The following NEDD4 variants were observed in gnomAD, a reference collection of about 807,000 sequenced individuals.
NEDD4 encodes the protein NEDD4 E3 ubiquitin protein ligase, also known as E3 ubiquitin-protein ligase NEDD4.
Under a neutral mutation model 144.9 loss-of-function variants are expected in NEDD4, and 99 were observed. The ratio of observed to expected loss-of-function variants is 0.68; its 90% CI spans 0.58 to 0.81. NEDD4 has a LOEUF of 0.81. Among genes scored for constraint, NEDD4 ranks in the 30% least tolerant of loss-of-function variants. NEDD4 has a pLI of 0.00. For missense variants in NEDD4, 985 were observed against 1,065.9 expected, an observed-to-expected ratio of 0.92 and a Z score of 1.06; for synonymous variants, 318 against 350.6, an observed-to-expected ratio of 0.91 and a Z score of 1.04.
intron 18 of NEDD4, among the ~76,000 whole-genome samples, chr15:55,845,613 T>C (rs1402800498): frequency 6.6e-6 from 1 of 152,000 alleles, no homozygotes; most frequent in African/African-American, 2.4e-5. Flanking sequence ...TACTACAACA[T>C]GTTTCAACCA....
intron 1 of NEDD4, chr15:55,988,135 T>G (rs1595891565): frequency 7.1e-6 from 1 of 141,248 alleles, no homozygotes; most frequent in Non-Finnish European, 1.5e-5. Context: ...CATGGAATAC[T>G]ATGCAGCCAT....
chr15:55,929,196 C>T (rs1048220105), intron 4 of NEDD4, among the ~76,000 whole-genome samples: 31 of 152,140 alleles, frequency 2.0e-4, no homozygotes, highest in Non-Finnish European at 3.7e-4. Context: ...TCTCAAATAC[C>T]ACCTTAGCCT....
At chr15:55,848,316 T>C in intron 17 of NEDD4, 56 bp downstream of exon 17, 1 of 1,551,290 alleles carries the variant, frequency 6.4e-7, no homozygotes, top group African/African-American at 1.4e-5. Flanking sequence ...CTATCTGCTC[T>C]TGAAGAGACA....
intron 5 of NEDD4, among the ~76,000 whole-genome samples, chr15:55,884,782 CAATG>C (rs1322872806): frequency 1.3e-5 from 2 of 152,012 alleles, no homozygotes; most frequent in East Asian, 3.9e-4. Context: ...GAATAAAAAA[CAATG>C]AAGCACACCT....
chr15:55,896,053 T>C (rs572184932), intron 5 of NEDD4, among the ~76,000 whole-genome samples: 9 of 152,222 alleles, frequency 5.9e-5, no homozygotes, highest in Admixed American at 4.6e-4. Flanking sequence ...GGCATGGAAT[T>C]CTAGTTTGTT....
intron 1 of NEDD4, among the ~76,000 whole-genome samples, chr15:55,970,096 C>T (rs1436413521): frequency 6.6e-6 from 1 of 152,006 alleles, no homozygotes; most frequent in East Asian, 1.9e-4. Flanking sequence ...AGACGTTGGG[C>T]CCTTAATAAA....
At chr15:55,942,398 A>G (rs1279171066) in intron 4 of NEDD4, among the ~76,000 whole-genome samples, 2 of 152,144 alleles carry the variant, frequency 1.3e-5, no homozygotes, top group Admixed American at 6.5e-5. Flanking sequence ...CTAATGTTGG[A>G]GGAGGGGCCA....
intron 2 of NEDD4, among the ~76,000 whole-genome samples, chr15:55,955,775 C>G (rs969529618): frequency 6.6e-5 from 10 of 151,354 alleles, no homozygotes; most frequent in Non-Finnish European, 1.5e-4. Context: ...ATGGACACCC[C>G]ATCATGACAC....
At chr15:55,954,710 G>A (rs1211616197) in intron 2 of NEDD4, among the ~76,000 whole-genome samples, 4 of 152,106 alleles carry the variant, frequency 2.6e-5, no homozygotes, top group Admixed American at 6.5e-5. Context: ...TTTTAGTAGA[G>A]ATGGCATTTC....
chr15:55,836,331 GACACACACACACAC>G lies in NEDD4; in HGVS notation c.2262+1444_2262+1457del, dbSNP rs10526731. Reference sequence around the variant, plus strand: ...ATACTGAATTTATGAAAAAGTATGTGACACACACACACACACACACACACACACACACACACACA... The same window carrying G: ...ATACTGAATTTATGAAAAAGTATGTGACACACACACACACACACACACACA... On this transcript the variant is annotated intron_variant, in intron 24 of 28. Transcript: ENST00000435532. 1.2e-3 allele frequency among the ~76,000 whole-genome samples: 177 copies of G among 148,046 alleles called. 1 individual carries two copies. Among genetic ancestry groups the G allele is most frequent in the Middle Eastern group, 3.5e-3 (1 of 288 alleles).
chr15:55,927,351 C>T (rs1358270414), intron 4 of NEDD4, among the ~76,000 whole-genome samples: 41 of 152,028 alleles, frequency 2.7e-4, no homozygotes, highest in Admixed American at 2.5e-3. Flanking sequence ...CACTCTGTCA[C>T]CCAGGCTGGA....
chr15:55,929,337 T>A (rs1460177119), intron 4 of NEDD4, among the ~76,000 whole-genome samples: 2 of 152,218 alleles, frequency 1.3e-5, no homozygotes, highest in African/African-American at 2.4e-5. Flanking sequence ...TTTCCTTTTT[T>A]AAAAAAATTT....
At chr15:55,856,718 C>T (rs1197410459) in intron 11 of NEDD4, among the ~76,000 whole-genome samples, 1 of 152,196 alleles carries the variant, frequency 6.6e-6, no homozygotes, top group African/African-American at 2.4e-5. Context: ...CTGCCTCTTC[C>T]TGACTTCTTC....
intron 1 of NEDD4, among the ~76,000 whole-genome samples, chr15:55,991,710 T>C (rs774815261): frequency 1.2e-3 from 180 of 152,192 alleles, no homozygotes; most frequent in Non-Finnish European, 2.2e-3. Flanking sequence ...TTCCTAGAAG[T>C]ACAAATCCTT....
At chr15:55,942,060 A>G (rs1460013791) in intron 4 of NEDD4, among the ~76,000 whole-genome samples, 1 of 109,594 alleles carries the variant, frequency 9.1e-6, no homozygotes, top group East Asian at 2.4e-4. Flanking sequence ...CTATATATTT[A>G]CTATTTTTTT....
chr15:55,896,183 T>C (rs1159989528), intron 5 of NEDD4, among the ~76,000 whole-genome samples: 1 of 152,158 alleles, frequency 6.6e-6, no homozygotes, highest in Non-Finnish European at 1.5e-5. Context: ...TTATTCACTT[T>C]TGTCTTTATT....
At chr15:55,888,934 T>C (rs756425772) in intron 5 of NEDD4, among the ~76,000 whole-genome samples, 3 of 152,200 alleles carry the variant, frequency 2.0e-5, no homozygotes, top group Admixed American at 6.5e-5. Flanking sequence ...TTTCTCACCT[T>C]ATACAAAAAT....
chr15:55,860,370 A>G (rs747725847), intron 11 of NEDD4, 37 bp downstream of exon 11: 1 of 1,603,144 alleles, frequency 6.2e-7, no homozygotes, highest in Non-Finnish European at 8.5e-7. Context: ...CATAATATAA[A>G]CTACTGAAGC....
intron 1 of NEDD4, among the ~76,000 whole-genome samples, chr15:55,980,855 A>G (rs1384092078): frequency 6.6e-6 from 1 of 152,152 alleles, no homozygotes; most frequent in Non-Finnish European, 1.5e-5. Flanking sequence ...AGCTCTGTCC[A>G]ACAGCTTGCA....
Sources: gnomAD v4.1 joint callset for allele counts (sites outside exome capture counted in the v4.1 genomes callset) on GRCh38, gnomAD v4.1.1 for gene constraint, MANE v1.5 for transcripts, NCBI Gene and HGNC (gene_info 2026-07-23, HGNC 2026-07-21) for gene names.